The following LINGO2 variants were observed in gnomAD, a reference collection of about 807,000 sequenced individuals.
LINGO2 encodes the protein leucine-rich repeat and immunoglobulin-like domain-containing nogo receptor-interacting protein 2.
Under a neutral mutation model 30.6 loss-of-function variants are expected in LINGO2, and 14 were observed. The ratio of observed to expected loss-of-function variants is 0.46; its 90% CI spans 0.30 to 0.72. The LOEUF is 0.72. LINGO2 is among the 30% of genes least tolerant of loss of function. The pLI, the probability that LINGO2 is intolerant of heterozygous loss-of-function variation, is 0.07. For synonymous variants in LINGO2, 317 were observed against 288.5 expected (o/e 1.10, Z -1.00); for missense variants, 729 against 751.7 (o/e 0.97, Z 0.35).
the LINGO2 span, among the ~76,000 whole-genome samples, chr9:28,993,508 T>A: frequency 1.3e-5 from 2 of 151,938 alleles, no homozygotes; most frequent in Non-Finnish European, 2.9e-5. Flanking sequence ...CCTCCCTAAC[T>A]CATTTTATGA....
intron 2 of LINGO2, among the ~76,000 whole-genome samples, chr9:28,448,787 C>G (rs1005119839): frequency 6.6e-6 from 1 of 151,916 alleles, no homozygotes; most frequent in African/African-American, 2.4e-5. Flanking sequence ...CTGGAGAAAA[C>G]AGTACAGCAA....
At chr9:27,944,656 G>A (rs1301897921), downstream of LINGO2, among the ~76,000 whole-genome samples, 3 of 152,196 alleles carry the variant, frequency 2.0e-5, no homozygotes, top group East Asian at 1.9e-4. Flanking sequence ...CAAAGCCAAC[G>A]GTGGAAAATC....
intron 2 of LINGO2, among the ~76,000 whole-genome samples, chr9:28,449,600 C>A (rs1053740793): frequency 3.3e-5 from 5 of 151,924 alleles, no homozygotes; most frequent in Non-Finnish European, 7.4e-5. Flanking sequence ...ACAAACAAAC[C>A]AAAATCCCAT....
intron 4 of LINGO2, among the ~76,000 whole-genome samples, chr9:28,063,799 T>G (rs975290029): frequency 1.3e-5 from 2 of 152,190 alleles, no homozygotes; most frequent in African/African-American, 4.8e-5. Context: ...GTTTGGACAC[T>G]TCTACATGCA....
intron 4 of LINGO2, among the ~76,000 whole-genome samples, chr9:28,173,766 G>T (rs571867044): frequency 6.6e-6 from 1 of 152,318 alleles, no homozygotes; most frequent in Admixed American, 6.5e-5. Flanking sequence ...CTTTAGCATA[G>T]CATGTAAATA....
chr9:28,616,102 A>C (rs1411824549), intron 1 of LINGO2, among the ~76,000 whole-genome samples: 3 of 152,110 alleles, frequency 2.0e-5, no homozygotes, highest in Non-Finnish European at 4.4e-5. Flanking sequence ...CAATTTGTGA[A>C]AGTTCATCAA....
chr9:28,658,724 G>A (rs1828463646), intron 1 of LINGO2, among the ~76,000 whole-genome samples: 1 of 151,992 alleles, frequency 6.6e-6, no homozygotes, highest in East Asian at 1.9e-4. Context: ...GTCCACAAGT[G>A]TTTGTTTTGT....
At chr9:28,724,732 G>C in the LINGO2 span, among the ~76,000 whole-genome samples, 1 of 152,134 alleles carries the variant, frequency 6.6e-6, no homozygotes, top group Non-Finnish European at 1.5e-5. Context: ...AGCCCACAAA[G>C]AGAAAGTATG....
At chr9:29,211,054 G>A in the LINGO2 span, among the ~76,000 whole-genome samples, 1 of 152,078 alleles carries the variant, frequency 6.6e-6, no homozygotes, top group Admixed American at 6.5e-5. Context: ...CTTCTATTCA[G>A]TATTCCTGGA....
intron 5 of LINGO2, among the ~76,000 whole-genome samples, chr9:27,997,831 C>G (rs1821744185): frequency 6.6e-6 from 1 of 151,976 alleles, no homozygotes; most frequent in Non-Finnish European, 1.5e-5. Flanking sequence ...TTCCAGCCAC[C>G]AAGCAAATTA....
intron 4 of LINGO2, among the ~76,000 whole-genome samples, chr9:28,215,736 A>G (rs923939174): frequency 6.6e-6 from 1 of 151,772 alleles, no homozygotes; most frequent in African/African-American, 2.4e-5. Flanking sequence ...AATACGCGGG[A>G]CCAGAACTCC....
At chr9:28,235,127 A>G (rs2133950794) in intron 4 of LINGO2, among the ~76,000 whole-genome samples, 1 of 152,308 alleles carries the variant, frequency 6.6e-6, no homozygotes, top group East Asian at 1.9e-4. Flanking sequence ...GGTGGCCACA[A>G]GGGTGCTTAC....
chr9:28,951,286 T>C, the LINGO2 span, among the ~76,000 whole-genome samples: 1 of 151,344 alleles, frequency 6.6e-6, no homozygotes, highest in African/African-American at 2.4e-5. Flanking sequence ...ACCAAACCTA[T>C]GTTTCTATAT....
chr9:28,455,914 G>A (rs960454325), intron 2 of LINGO2, among the ~76,000 whole-genome samples: 1 of 152,042 alleles, frequency 6.6e-6, no homozygotes, highest in African/African-American at 2.4e-5. Context: ...GATGCCCTCT[G>A]TATCAGGAAG....
intron 3 of LINGO2, among the ~76,000 whole-genome samples, chr9:28,323,635 T>A (rs1454672083): frequency 6.6e-6 from 1 of 151,840 alleles, no homozygotes; most frequent in Non-Finnish European, 1.5e-5. Context: ...GCCAAACAGA[T>A]CCAAAATAGT....
chr9:28,738,650 C>T, the LINGO2 span, among the ~76,000 whole-genome samples: 10 of 151,652 alleles, frequency 6.6e-5, no homozygotes, highest in Admixed American at 3.3e-4. Flanking sequence ...AAAATAGATG[C>T]TAAATAAAAT....
rs1042340939 is a variant in LINGO2 at position 28,078,057 on chromosome 9, CAA to C, written c.-86-65654_-86-65653del. 6.0e-5 allele frequency among the ~76,000 whole-genome samples: 9 copies of C among 149,186 alleles called. 2 individuals carry two copies. Among genetic ancestry groups the C allele is most frequent in the African/African-American group, 2.3e-4 (9 of 38,622 alleles). ...TAAAACTTAAAGCTTAACAAATAAA[CAA>C]ATAAATAATGGCTCTTGCCTTAAAA... On this transcript the variant is annotated intron_variant, in intron 4 of 5. Coordinates refer to ENST00000379992, the Ensembl canonical transcript of LINGO2.
chr9:28,458,825 C>T (rs10968607), intron 2 of LINGO2, among the ~76,000 whole-genome samples: 108,098 of 151,990 alleles, frequency 0.71, 38,718 homozygotes, highest in East Asian at 0.83. Context: ...ACTCATTGCT[C>T]ACCTTGAACT....
chr9:29,078,491 ACTTGAATAAAC>A, the LINGO2 span, among the ~76,000 whole-genome samples: 6 of 151,946 alleles, frequency 3.9e-5, no homozygotes, highest in East Asian at 1.9e-4. Flanking sequence ...CTACTCTTTG[ACTTGAATAAAC>A]CTTGAATAAA....
Sources: allele counts gnomAD v4.1 joint callset (sites outside exome capture counted in the v4.1 genomes callset), GRCh38; gene constraint gnomAD v4.1.1; transcripts MANE v1.5; gene names NCBI Gene and HGNC (gene_info 2026-07-23, HGNC 2026-07-21).